MCC: variants seen among roughly 807,000 people sequenced by gnomAD.
The protein encoded by MCC is colorectal mutant cancer protein.
MCC carries 90 observed loss-of-function variants against 116.2 expected under a neutral mutation model. The observed-to-expected ratio is 0.77, with a 90% confidence interval of 0.65 to 0.92. The LOEUF is 0.92. MCC is among the 40% of genes least tolerant of loss of function. The pLI, the probability that MCC is intolerant of heterozygous loss-of-function variation, is 0.00. For missense variants in MCC, 1,516 were observed against 1,312.2 expected (o/e 1.16, Z -2.40); for synonymous variants, 578 against 510.5 (o/e 1.13, Z -1.78).
intron 3 of MCC, among the ~76,000 whole-genome samples, chr5:113,233,626 T>C (rs774354198): frequency 1.3e-5 from 2 of 152,298 alleles, no homozygotes; most frequent in Middle Eastern, 3.4e-3. Context: ...GTGACTTCTC[T>C]CTCCTCTCTC....
chr5:113,208,116 G>A (rs1303308484), intron 3 of MCC, among the ~76,000 whole-genome samples: 1 of 152,072 alleles, frequency 6.6e-6, no homozygotes, highest in Non-Finnish European at 1.5e-5. Flanking sequence ...GTAGCCAAAT[G>A]AGCCAATCTG....
intron 8 of MCC, among the ~76,000 whole-genome samples, chr5:113,090,872 T>C (rs576605642): frequency 6.6e-6 from 1 of 152,312 alleles, no homozygotes; most frequent in East Asian, 1.9e-4. Context: ...ATAAATTCAT[T>C]GCCAAGGTCA....
At chr5:113,287,252 T>G (rs1271812162) in intron 3 of MCC, among the ~76,000 whole-genome samples, 4 of 152,210 alleles carry the variant, frequency 2.6e-5, no homozygotes, top group African/African-American at 9.6e-5. Flanking sequence ...TCTCAGAATC[T>G]AGAGATGGCT....
intron 6 of MCC, among the ~76,000 whole-genome samples, chr5:113,106,923 G>C (rs542027583): frequency 6.6e-6 from 1 of 152,188 alleles, no homozygotes; most frequent in Admixed American, 6.5e-5. Flanking sequence ...CCTATCTAAA[G>C]CATGGAGTTT....
At chr5:113,344,981 C>T (rs1768098471) in intron 2 of MCC, among the ~76,000 whole-genome samples, 1 of 152,126 alleles carries the variant, frequency 6.6e-6, no homozygotes, top group African/African-American at 2.4e-5. Flanking sequence ...GAGCAACAAG[C>T]AGGCTCTTGG....
chr5:113,443,798 T>C (rs1455817165), intron 1 of MCC, among the ~76,000 whole-genome samples: 1 of 152,178 alleles, frequency 6.6e-6, no homozygotes, highest in Non-Finnish European at 1.5e-5. Flanking sequence ...TGGATAACAT[T>C]TATTGATTTG....
At chr5:113,087,624 G>A (rs115384792) in intron 8 of MCC, among the ~76,000 whole-genome samples, 2,313 of 152,164 alleles carry the variant, frequency 0.015, 32 homozygotes, top group Non-Finnish European at 0.019. Context: ...TCAACCTCCC[G>A]GTGAATTTCA....
chr5:113,201,379 G>A (rs1471269952), intron 3 of MCC, among the ~76,000 whole-genome samples: 22 of 88,456 alleles, frequency 2.5e-4, no homozygotes, highest in African/African-American at 8.6e-4. Flanking sequence ...AGAGCAAAAC[G>A]CCATCTCCAA....
At chr5:113,186,528 G>C (rs983505362) in intron 3 of MCC, among the ~76,000 whole-genome samples, 2 of 152,154 alleles carry the variant, frequency 1.3e-5, no homozygotes, top group Non-Finnish European at 2.9e-5. Context: ...AAACCTCCTA[G>C]TCTACTTCAT....
In MCC at chr5:113,244,772, T is replaced by C. The variant is rs575664776; in HGVS notation, c.628-93350A>G. ...GGAAGAGGTGCTTCCCTAAAGTAAT[T>C]AAGAAAACAATGTTTCACTTTACTA... On this transcript the variant is annotated intron_variant, in intron 3 of 18. Transcript: ENST00000408903. 4.6e-5 allele frequency among the ~76,000 whole-genome samples: 7 copies of C among 152,314 alleles called. No homozygotes were observed. The South Asian group carries it at 1.0e-3, about 23-fold the overall frequency.
intron 1 of MCC, among the ~76,000 whole-genome samples, chr5:113,405,624 C>T (rs909228097): frequency 1.3e-5 from 2 of 151,726 alleles, no homozygotes; most frequent in East Asian, 3.9e-4. Flanking sequence ...CATCCGCCCC[C>T]CAACCCCGAT....
chr5:113,333,804 T>TATATGTACATATGTACATATATGTAC (rs1561527696), intron 3 of MCC, among the ~76,000 whole-genome samples: 3 of 108,064 alleles, frequency 2.8e-5, no homozygotes, highest in Non-Finnish European at 5.7e-5. Context: ...TATATATGTA[T>TATATGTACATATGTACATATATGTAC]ATATGTATAT....
intron 6 of MCC, among the ~76,000 whole-genome samples, chr5:113,121,180 G>C (rs559205084): frequency 1.8e-4 from 28 of 152,268 alleles, no homozygotes; most frequent in Admixed American, 1.6e-3. Context: ...TGCCCATCTA[G>C]AGTTCTGCAA....
Position 113,026,766 on chromosome 5 carries a change from T to C in MCC, c.*536A>G, listed in dbSNP as rs1750578763. On this transcript the variant is annotated 3_prime_UTR_variant, in exon 19 of 19. Coordinates refer to ENST00000408903, the MANE Select transcript of MCC (RefSeq NM_001085377.2). ...AGAGATCACCTCTTATGGCCGCCTC[T>C]ATCTTAAAGTTGAGACCCGGGACTT... The C allele has an allele frequency of 6.5e-6, 1 of 153,860 alleles. No homozygotes were observed. Among genetic ancestry groups the C allele is most frequent in the South Asian group, 2.1e-4 (1 of 4,876 alleles). The allele number at this position is 153,860 out of a possible 1,614,324, so 9.5% of individuals were successfully genotyped here. A position where few individuals can be genotyped will look rare whatever the true frequency, so the allele number is the denominator to read the frequency against.
rs537108933 is a variant in MCC, at chr5:113,075,740, C to T, written c.1785-4506G>A. 9.2e-5 allele frequency among the ~76,000 whole-genome samples: 14 copies of T among 152,320 alleles called. No individual in the cohort carries two copies. In the South Asian group the frequency reaches 2.9e-3, roughly 32 times the overall value. On this transcript the variant is annotated intron_variant, in intron 11 of 18. Coordinates refer to ENST00000408903, the MANE Select transcript of MCC (RefSeq NM_001085377.2). The stretch of plus-strand genomic sequence containing the variant: ...GGCTGCCCGAGCCAGCAGCAGCAAC[C>T]CGCTCGGGTGCCCTTCCATGCTGTG...
chr5:113,138,164 G>A (rs1404625963), intron 5 of MCC, among the ~76,000 whole-genome samples: 3 of 151,916 alleles, frequency 2.0e-5, no homozygotes, highest in Non-Finnish European at 2.9e-5. Context: ...CTATAGGCAC[G>A]CACCACCACG....
At chr5:113,268,554 G>C (rs1329072022) in intron 3 of MCC, among the ~76,000 whole-genome samples, 1 of 152,166 alleles carries the variant, frequency 6.6e-6, no homozygotes, top group Admixed American at 6.5e-5. Context: ...AGCTAAGGTA[G>C]CTAGATGATA....
chr5:113,364,180 G>T (rs1425156619), intron 2 of MCC, among the ~76,000 whole-genome samples: 1 of 137,170 alleles, frequency 7.3e-6, no homozygotes, highest in Non-Finnish European at 1.5e-5. Context: ...GCAGTGAGCT[G>T]AGATTGCGTC....
At chr5:113,202,425 T>A (rs1323887039) in intron 3 of MCC, among the ~76,000 whole-genome samples, 1 of 152,094 alleles carries the variant, frequency 6.6e-6, no homozygotes, top group East Asian at 1.9e-4. Flanking sequence ...CGACACTGGG[T>A]TTACTTTGAA....
Sources: gnomAD v4.1 joint callset for allele counts (sites outside exome capture counted in the v4.1 genomes callset) on GRCh38, gnomAD v4.1.1 for gene constraint, MANE v1.5 for transcripts, NCBI Gene and HGNC (gene_info 2026-07-23, HGNC 2026-07-21) for gene names.